The following STK3 variants were observed in gnomAD, a reference collection of about 807,000 sequenced individuals.
The protein encoded by STK3 is serine/threonine kinase 3.
STK3 carries 41 observed loss-of-function variants against 58.0 expected under a neutral mutation model. That is an observed-to-expected ratio of 0.71 (90% confidence interval 0.55 to 0.92). The LOEUF (loss-of-function observed/expected upper bound fraction) is 0.92, where lower values mean the gene tolerates loss of function less well. Ranked by LOEUF, STK3 falls within the 40% of genes least tolerant of loss-of-function variation. STK3 has a pLI of 0.00. For synonymous variants in STK3, 170 were observed against 191.0 expected, an observed-to-expected ratio of 0.89 and a Z score of 0.91; for missense variants, 479 against 602.7, an observed-to-expected ratio of 0.79 and a Z score of 2.15.
chr8:98,381,056 C>T (rs1586542944), intron 1 of STK3, among the ~76,000 whole-genome samples: 1 of 149,012 alleles, frequency 6.7e-6, no homozygotes, highest in East Asian at 2.0e-4. Flanking sequence ...CTGCAACCTC[C>T]ACCTCCCAGG....
intron 2 of STK3, among the ~76,000 whole-genome samples, chr8:98,376,337 C>T (rs10108488): frequency 0.016 from 2,383 of 152,198 alleles, 31 homozygotes; most frequent in Non-Finnish European, 0.025. Context: ...TTGTCAGATG[C>T]GTGATTTGCA....
chr8:98,694,167 G>A (rs755700357), intron 6 of STK3, among the ~76,000 whole-genome samples: 2 of 152,116 alleles, frequency 1.3e-5, no homozygotes, highest in Non-Finnish European at 2.9e-5. Flanking sequence ...AAAAAGGGAG[G>A]TGGAAGCCAG....
intron 6 of STK3, among the ~76,000 whole-genome samples, chr8:98,629,365 T>C (rs1215183582): frequency 1.3e-5 from 2 of 152,056 alleles, no homozygotes; most frequent in Non-Finnish European, 2.9e-5. Flanking sequence ...CCACAATAAT[T>C]GAAAGGGGCA....
chr8:98,830,441 T>C (rs548398251), upstream of STK3, among the ~76,000 whole-genome samples: 1 of 152,242 alleles, frequency 6.6e-6, no homozygotes, highest in South Asian at 2.1e-4. Context: ...TGGTGTGTTG[T>C]GTGTTACTCA....
the STK3 span, among the ~76,000 whole-genome samples, chr8:98,356,132 C>T: frequency 1.3e-5 from 2 of 152,320 alleles, no homozygotes; most frequent in South Asian, 2.1e-4. Flanking sequence ...AGCAGCATTG[C>T]TGGAAGAAGA....
At chr8:98,493,934 T>C (rs1270600543) in intron 10 of STK3, among the ~76,000 whole-genome samples, 1 of 152,252 alleles carries the variant, frequency 6.6e-6, no homozygotes, top group Non-Finnish European at 1.5e-5. Context: ...CCAGATCTAA[T>C]CACTAAGGAC....
chr8:98,681,991 A>G (rs1388241091), intron 6 of STK3, among the ~76,000 whole-genome samples: 1 of 152,254 alleles, frequency 6.6e-6, no homozygotes, highest in Non-Finnish European at 1.5e-5. Flanking sequence ...TAATTTCAAC[A>G]TGCATTCCCA....
chr8:98,671,185 T>G (rs1487484394), intron 6 of STK3, among the ~76,000 whole-genome samples: 8 of 151,716 alleles, frequency 5.3e-5, no homozygotes, highest in Admixed American at 5.2e-4. Context: ...GAACCTTCTC[T>G]TATAACATTC....
intron 6 of STK3, among the ~76,000 whole-genome samples, chr8:98,621,717 C>T (rs1818340286): frequency 1.3e-5 from 2 of 152,006 alleles, no homozygotes; most frequent in Admixed American, 6.6e-5. Context: ...ACTCTCCCCA[C>T]CCAACAACCC....
intron 6 of STK3, among the ~76,000 whole-genome samples, chr8:98,666,308 T>C (rs1210928542): frequency 6.6e-6 from 1 of 152,168 alleles, no homozygotes; most frequent in Non-Finnish European, 1.5e-5. Context: ...GACAGGTATA[T>C]ATTCAGCCAC....
chr8:98,424,126 A>G (rs10808360), intron 3 of STK3, among the ~76,000 whole-genome samples: 31,789 of 152,310 alleles, frequency 0.21, 3,858 homozygotes, highest in African/African-American at 0.34. Flanking sequence ...ACTGGGAAAT[A>G]AACAAGTGGC....
rs562758770 is a variant in STK3, at chr8:98,817,632, C to T, written c.26+7883G>A. Among the ~76,000 whole-genome samples, 6 of 152,148 alleles carry T rather than the reference C, an allele frequency of 3.9e-5. No homozygotes were observed. In the South Asian group the frequency reaches 1.0e-3, roughly 26 times the overall value. ...TGTTCTCCCGGTCTTTCCTCATTCC[C>T]CAAGTTGTTTCAATTCAAAACATAG... On this transcript the variant is annotated intron_variant, in intron 1 of 10. Coordinates refer to ENST00000419617, the MANE Select transcript of STK3 (RefSeq NM_006281.4).
chr8:98,831,430 G>C (rs1835530946), intron 3 of STK3, among the ~76,000 whole-genome samples: 1 of 152,026 alleles, frequency 6.6e-6, no homozygotes, highest in African/African-American at 2.4e-5. Context: ...GTTTACTTTT[G>C]AGTTTTGTAG....
chr8:98,547,604 C>T (rs879613235), intron 9 of STK3, among the ~76,000 whole-genome samples: 1 of 152,156 alleles, frequency 6.6e-6, no homozygotes, highest in Admixed American at 6.6e-5. Flanking sequence ...ATTTGGACAA[C>T]ATAAAATAAT....
At chr8:98,491,430 A>AT (rs1170748631) in intron 10 of STK3, among the ~76,000 whole-genome samples, 1,838 of 144,364 alleles carry the variant, frequency 0.013, 32 homozygotes, top group East Asian at 0.08. Context: ...CACCTAGGAA[A>AT]TTTTTTTTTT....
At chr8:98,630,733 A>G (rs531466831) in intron 6 of STK3, among the ~76,000 whole-genome samples, 55 of 148,872 alleles carry the variant, frequency 3.7e-4, no homozygotes, top group Non-Finnish European at 6.4e-4. Flanking sequence ...GGAGGAGAAG[A>G]AGGAGAAGAA....
chr8:98,717,739 C>T (rs921550455), intron 4 of STK3, among the ~76,000 whole-genome samples: 2 of 152,116 alleles, frequency 1.3e-5, no homozygotes, highest in South Asian at 2.1e-4. Context: ...TCACGATGAA[C>T]GTACACCCAT....
chr8:98,629,748 G>A (rs1819037984), intron 6 of STK3, among the ~76,000 whole-genome samples: 1 of 152,104 alleles, frequency 6.6e-6, no homozygotes, highest in Non-Finnish European at 1.5e-5. Flanking sequence ...ATTCTTGATG[G>A]GAACCATGCT....
chr8:98,860,809 C>A (rs1288879888), intron 3 of STK3, among the ~76,000 whole-genome samples: 2 of 152,092 alleles, frequency 1.3e-5, no homozygotes, highest in Admixed American at 6.6e-5. Flanking sequence ...CATCCCAACA[C>A]TTTAGGAGGC....
Sources: gnomAD v4.1 joint callset for allele counts (sites outside exome capture counted in the v4.1 genomes callset) on GRCh38, gnomAD v4.1.1 for gene constraint, MANE v1.5 for transcripts, NCBI Gene and HGNC (gene_info 2026-07-23, HGNC 2026-07-21) for gene names.